The following BACE1 variants were observed in gnomAD, a reference collection of about 807,000 sequenced individuals.
BACE1 encodes beta-secretase 1.
A neutral mutation model predicts 54.0 loss-of-function variants in BACE1; 21 were observed. The ratio of observed to expected loss-of-function variants is 0.39; its 90% CI spans 0.28 to 0.56. The LOEUF (loss-of-function observed/expected upper bound fraction) is 0.56. Among genes scored for constraint, BACE1 ranks in the 20% least tolerant of loss-of-function variants. BACE1 has a pLI of 0.63. For synonymous variants in BACE1, 232 were observed against 260.9 expected, an observed-to-expected ratio of 0.89 and a Z score of 1.07; for missense variants, 511 against 661.2, an observed-to-expected ratio of 0.77 and a Z score of 2.49.
At position 117,312,708 on chromosome 11, in the gene BACE1, C is replaced by T. The variant is rs142169729; in HGVS notation, c.261+2827G>A. Among the ~76,000 whole-genome samples, 209 of 152,288 alleles carry T rather than the reference C, an allele frequency of 1.4e-3. 3 individuals are homozygous for T. The South Asian group carries it at 0.02, about 15-fold the overall frequency. On this transcript the variant is annotated intron_variant, in intron 1 of 8. Transcript: ENST00000313005. ...GAACTCCTGACCTCAGGTGATCCGC[C>T]GGCCTCAGCCTCCCAAAGTGTTGGG...
rs2034287206 is a variant in BACE1, at chr11:117,287,235, G to A, written c.*2331C>T. The A allele has an allele frequency of 6.6e-6, 1 of 152,252 alleles. No homozygotes were observed. The highest frequency in any genetic ancestry group is 1.5e-5 in the Non-Finnish European group (1 of 68,048). 9.4% of individuals were successfully genotyped at this position (152,252 alleles called of 1,614,324 possible). On this transcript the variant is annotated 3_prime_UTR_variant, in exon 9 of 9. Transcript: ENST00000313005. ...CTCAGTGTTACTCTTTCTTGTTCAG[G>A]ATCAGTCAGAAAGCAACACAAGTGT... is the stretch of plus-strand genomic sequence containing the variant.
At chr11:117,300,019 C>T (rs1591862265) in intron 1 of BACE1, among the ~76,000 whole-genome samples, 1 of 152,124 alleles carries the variant, frequency 6.6e-6, no homozygotes, top group East Asian at 1.9e-4. Context: ...CTCCTGCTGT[C>T]CCTGCCCCTC....
At chr11:117,305,503 C>T (rs1332329460) in intron 1 of BACE1, among the ~76,000 whole-genome samples, 1 of 151,994 alleles carries the variant, frequency 6.6e-6, no homozygotes, top group Non-Finnish European at 1.5e-5. Context: ...TGGGAGCAAG[C>T]AGGCTCCCTG....
At chr11:117,314,001 G>T (rs1325544985) in intron 1 of BACE1, among the ~76,000 whole-genome samples, 2 of 152,154 alleles carry the variant, frequency 1.3e-5, no homozygotes, top group Non-Finnish European at 2.9e-5. Context: ...TTTGCCCAAG[G>T]CCACACAGCT....
Position 117,312,784 on chromosome 11 carries a change from G to A in BACE1, c.261+2751C>T, listed in dbSNP as rs76997684. 8.3e-3 allele frequency among the ~76,000 whole-genome samples: 1,267 copies of A among 152,290 alleles called. 11 individuals are homozygous for A. The highest frequency in any genetic ancestry group is 0.011 in the African/African-American group (474 of 41,570). Reference sequence around the variant, plus strand: ...AGCCATAAATGGTTCTCAAATTTGAGGCACAAACTACGGGGCCCCACTGTC... The same window carrying A: ...AGCCATAAATGGTTCTCAAATTTGAAGCACAAACTACGGGGCCCCACTGTC... On this transcript the variant is annotated intron_variant, in intron 1 of 8. Coordinates refer to ENST00000313005, the MANE Select transcript of BACE1 (RefSeq NM_012104.6).
chr11:117,296,745 G>A lies in BACE1; in HGVS notation c.350+128C>T, dbSNP rs145189874. The A allele has an allele frequency of 3.1e-3, 2,133 of 688,316 alleles. 7 individuals are homozygous for A. Among genetic ancestry groups the A allele is most frequent in the Non-Finnish European group, 4.5e-3 (1,906 of 418,940 alleles). The allele number at this position is 688,316 out of a possible 1,614,324, so 42.6% of individuals were successfully genotyped here. Reference sequence around the variant, plus strand: ...CTCTCCTGGTCACTGTCTTTTTTTCGCCCTTCCCCTTCCCTGGCAAGAAGA... The same window carrying A: ...CTCTCCTGGTCACTGTCTTTTTTTCACCCTTCCCCTTCCCTGGCAAGAAGA... On this transcript the variant is annotated intron_variant, in intron 2 of 8. Transcript: ENST00000313005.
Position 117,285,909 on chromosome 11 carries a change from G to A in BACE1, c.*3657C>T, listed in dbSNP as rs1353475076. 1.3e-5 allele frequency: 2 copies of A among 152,602 alleles called. No homozygotes were observed. The highest frequency in any genetic ancestry group is 2.9e-5 in the Non-Finnish European group (2 of 68,036). 9.5% of individuals were successfully genotyped at this position (152,602 alleles called of 1,614,324 possible). A position where few individuals can be genotyped will look rare whatever the true frequency, so the allele number is the denominator to read the frequency against. ...AACCCACAGGTTTTTCCTGGGCCAA[G>A]TCTTCCTTTGCTGCCACTGTCTTGG... is the stretch of plus-strand genomic sequence containing the variant. On this transcript the variant is annotated 3_prime_UTR_variant, in exon 9 of 9. Coordinates refer to ENST00000313005, the MANE Select transcript of BACE1 (RefSeq NM_012104.6).
At position 117,290,981 on chromosome 11, in the gene BACE1, A is replaced by C; in HGVS notation, c.1011T>G (p.Pro337=). The C allele has an allele frequency of 6.2e-7, 1 of 1,614,214 alleles. No individual in the cohort carries two copies. Among genetic ancestry groups the C allele is most frequent in the Admixed American group, 1.7e-5 (1 of 60,014 alleles). The change falls in exon 7 of 9, where the codon CCT becomes CCG. Residue 337 remains proline (P), a synonymous_variant. Coordinates refer to ENST00000313005, the MANE Select transcript of BACE1 (RefSeq NM_012104.6). ...QLVCWQAGTT[P]WNIFPVISLY... ...GTGAGATGACTGGGAAAATGTTCCA[A>C]GGGGTGGTGCCTGCTTGCCAGCACA...
chr11:117,290,406 A>G, intron 8 of BACE1, 82 bp downstream of exon 8: 1 of 1,518,936 alleles, frequency 6.6e-7, no homozygotes, highest in Admixed American at 2.1e-5. Context: ...CTAAACTGAC[A>G]GGGACCCAGG....
chr11:117,311,765 C>T (rs1056978792), intron 1 of BACE1, among the ~76,000 whole-genome samples: 9 of 152,174 alleles, frequency 5.9e-5, no homozygotes, highest in Admixed American at 3.3e-4. Flanking sequence ...CTCTGCCTCC[C>T]GAGTAGCTGG....
Position 117,289,583 on chromosome 11 carries a change from T to C in BACE1, c.1489A>G (p.Ile497Val), listed in dbSNP as rs2034353708. The C allele has an allele frequency of 1.2e-6, 2 of 1,614,132 alleles. No homozygotes were observed. The highest frequency in any genetic ancestry group is 1.7e-6 in the Non-Finnish European group (2 of 1,180,030). ...GGGCCTCCTCACTTCAGCAGGGAGA[T>C]GTCATCAGCAAAGTCATCATGCTGC... is the stretch of plus-strand genomic sequence containing the variant. ...RQQHDDFADD[I>V]SLLK The change falls in exon 9 of 9, where the codon ATC becomes GTC. Residue 497 changes from isoleucine to valine, a missense_variant. Ile to Val is a conservative substitution (Grantham distance 29, BLOSUM62 3). Transcript: ENST00000313005.
chr11:117,293,766 C>G lies in BACE1; in HGVS notation c.705+105G>C, dbSNP rs1390929736. On this transcript the variant is annotated intron_variant, in intron 4 of 8. Coordinates refer to ENST00000313005, the MANE Select transcript of BACE1 (RefSeq NM_012104.6). This position sits in a 1 kb window ranked among gnomAD's most constrained non-coding sequence, Gnocchi z 4.1. ...GAATATAAAGAGGTTCCTCCTGATTCTAAGTATCGGAGCCAAAACTGTGGT... is the reference window on the plus strand; with the variant it reads ...GAATATAAAGAGGTTCCTCCTGATTGTAAGTATCGGAGCCAAAACTGTGGT... 8 of 1,234,002 alleles carry G rather than the reference C, an allele frequency of 6.5e-6. No individual in the cohort carries two copies. Among genetic ancestry groups the G allele is most frequent in the East Asian group, 5.3e-5 (2 of 37,974 alleles). 76.4% of individuals were successfully genotyped at this position (1,234,002 alleles called of 1,614,324 possible). A position where few individuals can be genotyped will look rare whatever the true frequency, so the allele number is the denominator to read the frequency against.
chr11:117,304,586 G>A (rs963059279), intron 1 of BACE1, among the ~76,000 whole-genome samples: 2 of 152,208 alleles, frequency 1.3e-5, no homozygotes, highest in African/African-American at 2.4e-5. Flanking sequence ...CCGAAAGCAC[G>A]ATGATCTCTC....
rs551905776 is a variant in BACE1 at position 117,307,397 on chromosome 11, C to T, written c.261+8138G>A. On this transcript the variant is annotated intron_variant, in intron 1 of 8. Coordinates refer to ENST00000313005, the MANE Select transcript of BACE1 (RefSeq NM_012104.6). Reference sequence around the variant, plus strand: ...CATGATGTTGGCTCACTGCAACCTCCGCCTCCTGGGTTCAAGCGATTCTCC... The same window carrying T: ...CATGATGTTGGCTCACTGCAACCTCTGCCTCCTGGGTTCAAGCGATTCTCC... Among the ~76,000 whole-genome samples, 3 of 152,266 alleles carry T rather than the reference C, an allele frequency of 2.0e-5. No homozygotes were observed. The East Asian group carries it at 5.8e-4, about 29-fold the overall frequency.
intron 1 of BACE1, among the ~76,000 whole-genome samples, chr11:117,311,428 C>G (rs1591871046): frequency 6.6e-6 from 1 of 152,172 alleles, no homozygotes. Context: ...CACCCCAGAT[C>G]AGAATCTCAA....
At chr11:117,296,467 C>T (rs1389152599) in intron 2 of BACE1, among the ~76,000 whole-genome samples, 3 of 152,112 alleles carry the variant, frequency 2.0e-5, no homozygotes, top group African/African-American at 7.2e-5. Context: ...CAAGGGGAGC[C>T]GTCACTGAGG....
At chr11:117,299,307 C>T (rs1016004049) in intron 1 of BACE1, among the ~76,000 whole-genome samples, 2 of 152,178 alleles carry the variant, frequency 1.3e-5, no homozygotes, top group African/African-American at 4.8e-5. Flanking sequence ...CCCCAGGGGC[C>T]TTCATTTCTG....
intron 1 of BACE1, among the ~76,000 whole-genome samples, chr11:117,302,611 G>A (rs980160270): frequency 2.0e-5 from 3 of 152,186 alleles, no homozygotes; most frequent in Admixed American, 6.5e-5. Flanking sequence ...GGCCAGGCGC[G>A]GTGGCTCACG....
rs1057441535 is a variant in BACE1 at position 117,288,260 on chromosome 11, A to G, written c.*1306T>C. 3 of 152,274 alleles carry G rather than the reference A, an allele frequency of 2.0e-5. No individual in the cohort carries two copies. Among genetic ancestry groups the G allele is most frequent in the Admixed American group, 2.0e-4 (3 of 15,280 alleles). The allele number at this position is 152,274 out of a possible 1,614,324, so 9.4% of individuals were successfully genotyped here. A position where few individuals can be genotyped will look rare whatever the true frequency, so the allele number is the denominator to read the frequency against. On this transcript the variant is annotated 3_prime_UTR_variant, in exon 9 of 9. Coordinates refer to ENST00000313005, the MANE Select transcript of BACE1 (RefSeq NM_012104.6). Reference sequence around the variant, plus strand: ...GGCAGTAATGTTAGAGCCATAAAGCACTGTATTTCTCATACTCTTGGTATA... The same window carrying G: ...GGCAGTAATGTTAGAGCCATAAAGCGCTGTATTTCTCATACTCTTGGTATA...
Sources: gnomAD v4.1 joint callset for allele counts (sites outside exome capture counted in the v4.1 genomes callset) on GRCh38, gnomAD v4.1.1 for gene constraint, Gnocchi (gnomAD v3.1) non-coding constraint, MANE v1.5 for transcripts, NCBI Gene and HGNC (gene_info 2026-07-23, HGNC 2026-07-21) for gene names.